PPP6R3: variants seen among roughly 807,000 people sequenced by gnomAD.
PPP6R3 encodes the protein protein phosphatase 6 regulatory subunit 3.
Under a neutral mutation model 110.7 loss-of-function variants are expected in PPP6R3, and 38 were observed. That is an observed-to-expected ratio of 0.34 (90% CI 0.26 to 0.45). PPP6R3 has a LOEUF of 0.45. Among genes scored for constraint, PPP6R3 ranks in the 20% least tolerant of loss-of-function variants. The pLI is 1.00. For synonymous variants in PPP6R3, 369 were observed against 373.5 expected (o/e 0.99, Z 0.14); for missense variants, 870 against 1,062.4 (o/e 0.82, Z 2.52).
At chr11:68,515,347 A>G (rs2099130804) in intron 1 of PPP6R3, among the ~76,000 whole-genome samples, 1 of 152,294 alleles carries the variant, frequency 6.6e-6, no homozygotes, top group Non-Finnish European at 1.5e-5. Flanking sequence ...CATCCAGAAC[A>G]TCCTCAGGGT....
intron 1 of PPP6R3, among the ~76,000 whole-genome samples, chr11:68,495,507 G>A (rs967412802): frequency 6.6e-6 from 1 of 152,012 alleles, no homozygotes; most frequent in African/African-American, 2.4e-5. Context: ...CTCTCATCCC[G>A]CTAGACCTAG....
intron 1 of PPP6R3, among the ~76,000 whole-genome samples, chr11:68,478,647 G>GTTTGTTTTTT (rs2098860395): frequency 2.0e-5 from 1 of 50,506 alleles, no homozygotes; most frequent in Non-Finnish European, 3.1e-5. Context: ...CACTTGGTAA[G>GTTTGTTTTTT]TTTTTTTTTT....
At chr11:68,566,446 A>G (rs2099470690) in intron 9 of PPP6R3, among the ~76,000 whole-genome samples, 1 of 151,810 alleles carries the variant, frequency 6.6e-6, no homozygotes, top group African/African-American at 2.4e-5. Flanking sequence ...TGCAGCCTCA[A>G]CTTCCGCAGG....
At chr11:68,511,150 C>A (rs1306164092) in intron 1 of PPP6R3, among the ~76,000 whole-genome samples, 1 of 151,666 alleles carries the variant, frequency 6.6e-6, no homozygotes, top group African/African-American at 2.4e-5. Flanking sequence ...TCACTGCAAC[C>A]TCTGCCTCCC....
At chr11:68,506,000 T>G (rs965474766) in intron 1 of PPP6R3, among the ~76,000 whole-genome samples, 2 of 152,042 alleles carry the variant, frequency 1.3e-5, no homozygotes, top group African/African-American at 4.8e-5. Context: ...ATCCTTTTTT[T>G]CTTTATTTTT....
chr11:68,461,534 C>G (rs1056245691), intron 1 of PPP6R3, among the ~76,000 whole-genome samples: 1 of 152,072 alleles, frequency 6.6e-6, no homozygotes, highest in Admixed American at 6.5e-5. Flanking sequence ...TGAAGTCCCT[C>G]CCTCTTAAAG....
rs183423177 is a variant in PPP6R3, at chr11:68,574,637, G to A, written c.1459+413G>A. Among the ~76,000 whole-genome samples, 19 of 152,268 alleles carry A rather than the reference G, an allele frequency of 1.2e-4. No individual in the cohort carries two copies. The East Asian group carries it at 3.1e-3, about 25-fold the overall frequency. ...GCCTCTGAATTAAGTTTCTTTAACT[G>A]GAATATTAGGGCATTTATCAGCATT... On this transcript the variant is annotated intron_variant, in intron 13 of 23. Transcript: ENST00000393800.
rs1003477354 is a variant in PPP6R3, at chr11:68,613,575, C to T, written c.*458C>T. ...TTATGAATTCATTTTTCCTCCAGGC[C>T]GACAAGGAGTTGTAGAATGAAAATG... On this transcript the variant is annotated 3_prime_UTR_variant, in exon 24 of 24. Coordinates refer to ENST00000393800, the MANE Select transcript of PPP6R3 (RefSeq NM_001164161.2). 8.1e-6 allele frequency: 8 copies of T among 985,834 alleles called. No individual in the cohort carries two copies. The highest frequency in any genetic ancestry group is 9.4e-5 in the South Asian group (2 of 21,294). 61.1% of individuals were successfully genotyped at this position (985,834 alleles called of 1,614,324 possible).
At chr11:68,471,909 G>C (rs1450138657) in intron 1 of PPP6R3, among the ~76,000 whole-genome samples, 8 of 151,812 alleles carry the variant, frequency 5.3e-5, no homozygotes, top group Non-Finnish European at 1.2e-4. Context: ...GCATGTGGAC[G>C]TTGGCTTTTT....
intron 22 of PPP6R3, among the ~76,000 whole-genome samples, chr11:68,605,260 A>T (rs1385316942): frequency 6.6e-6 from 1 of 152,150 alleles, no homozygotes; most frequent in Non-Finnish European, 1.5e-5. Flanking sequence ...GGCTGCAGTG[A>T]GCTGTGTCCC....
chr11:68,594,931 C>G (rs2153894142), intron 18 of PPP6R3, among the ~76,000 whole-genome samples: 1 of 152,282 alleles, frequency 6.6e-6, no homozygotes, highest in East Asian at 1.9e-4. Flanking sequence ...ATATGGACAA[C>G]TGACTTTTGA....
At chr11:68,496,445 G>A (rs911315490) in intron 1 of PPP6R3, among the ~76,000 whole-genome samples, 6 of 151,918 alleles carry the variant, frequency 3.9e-5, no homozygotes, top group African/African-American at 9.7e-5. Context: ...CTAGTGGCTG[G>A]GACTGTAGAT....
chr11:68,524,931 T>C (rs55818911), intron 2 of PPP6R3, among the ~76,000 whole-genome samples: 6,190 of 152,262 alleles, frequency 0.041, 160 homozygotes, highest in Non-Finnish European at 0.062. Context: ...GGCACATGGT[T>C]CCTCTTCCTG....
intron 1 of PPP6R3, among the ~76,000 whole-genome samples, chr11:68,519,199 T>A (rs1191334439): frequency 6.6e-6 from 1 of 152,232 alleles, no homozygotes; most frequent in Non-Finnish European, 1.5e-5. Context: ...AGAATTGATG[T>A]TTTCAGAAGA....
chr11:68,526,640 C>G (rs1253337455), intron 2 of PPP6R3, among the ~76,000 whole-genome samples: 7 of 152,152 alleles, frequency 4.6e-5, no homozygotes, highest in Non-Finnish European at 1.0e-4. Context: ...TGTTCCTTGC[C>G]TCTCCTCGGT....
intron 19 of PPP6R3, among the ~76,000 whole-genome samples, chr11:68,597,817 GAAAA>G (rs10690649): frequency 8.4e-6 from 1 of 119,440 alleles, no homozygotes; most frequent in Non-Finnish European, 1.7e-5. Flanking sequence ...TGTCTCTACT[GAAAA>G]AAAAAAAAAA....
At chr11:68,541,055 T>C (rs984169384) in intron 3 of PPP6R3, among the ~76,000 whole-genome samples, 1 of 152,190 alleles carries the variant, frequency 6.6e-6, no homozygotes. Flanking sequence ...GGGTATTGAT[T>C]TGGGGAGGTG....
At chr11:68,582,031 A>G (rs2099556701) in intron 14 of PPP6R3, among the ~76,000 whole-genome samples, 2 of 152,202 alleles carry the variant, frequency 1.3e-5, no homozygotes, top group African/African-American at 4.8e-5. Flanking sequence ...TTTGAATTCT[A>G]CTGTGGGTTT....
chr11:68,614,460 ATT>A lies in PPP6R3; in HGVS notation c.*1345_*1346del. The A allele has an allele frequency of 1.5e-6, 2 of 1,363,802 alleles. No individual in the cohort carries two copies. Among genetic ancestry groups the A allele is most frequent in the Non-Finnish European group, 1.9e-6 (2 of 1,062,464 alleles). The allele number at this position is 1,363,802 out of a possible 1,614,324, so 84.5% of individuals were successfully genotyped here. A position where few individuals can be genotyped will look rare whatever the true frequency, so the allele number is the denominator to read the frequency against. On this transcript the variant is annotated 3_prime_UTR_variant, in exon 24 of 24. Transcript: ENST00000393800. ...AAAATTATTCACGTATTTTTACATC[ATT>A]TGTTTTTCCTGACCAGTATTTAAAA...
Sources: gnomAD v4.1 joint callset for allele counts (sites outside exome capture counted in the v4.1 genomes callset) on GRCh38, gnomAD v4.1.1 for gene constraint, MANE v1.5 for transcripts, NCBI Gene and HGNC (gene_info 2026-07-23, HGNC 2026-07-21) for gene names.